MIS18BP1: variants seen among roughly 807,000 people sequenced by gnomAD.
MIS18BP1 encodes the protein mis18-binding protein 1.
A neutral mutation model predicts 116.1 loss-of-function variants in MIS18BP1; 72 were observed. The ratio of observed to expected loss-of-function variants is 0.62; its 90% CI spans 0.51 to 0.75. The LOEUF (loss-of-function observed/expected upper bound fraction) is 0.75, where lower values mean the gene tolerates loss of function less well. MIS18BP1 is among the 30% of genes least tolerant of loss of function. The pLI is 0.00. For missense variants in MIS18BP1, 1,363 were observed against 1,303.2 expected, an observed-to-expected ratio of 1.05 and a Z score of -0.71; for synonymous variants, 386 against 427.0, an observed-to-expected ratio of 0.90 and a Z score of 1.18.
At chr14:45,248,811 C>T (rs1285643170) in intron 1 of MIS18BP1, among the ~76,000 whole-genome samples, 1 of 152,192 alleles carries the variant, frequency 6.6e-6, no homozygotes, top group Non-Finnish European at 1.5e-5. Flanking sequence ...TCATAACATA[C>T]GAATCCTGCA....
intron 14 of MIS18BP1, among the ~76,000 whole-genome samples, chr14:45,209,657 C>G (rs1162213871): frequency 6.6e-6 from 1 of 152,148 alleles, no homozygotes; most frequent in East Asian, 1.9e-4. Context: ...GACCAGAGTT[C>G]ATTTAATTAG....
At chr14:45,214,448 C>G (rs1890759631) in intron 13 of MIS18BP1, among the ~76,000 whole-genome samples, 1 of 152,184 alleles carries the variant, frequency 6.6e-6, no homozygotes, top group South Asian at 2.1e-4. Flanking sequence ...CACTATTACC[C>G]TACTGTCCTG....
At chr14:45,237,403 AT>A (rs916165046) in intron 5 of MIS18BP1, among the ~76,000 whole-genome samples, 3 of 152,210 alleles carry the variant, frequency 2.0e-5, no homozygotes, top group Admixed American at 6.5e-5. Context: ...TCAGAAAAAA[AT>A]AAACCACTAT....
rs1383056899 is a variant in MIS18BP1 at position 45,224,641 on chromosome 14, T to C, written c.1946A>G (p.Tyr649Cys). ...KYMAINQKKA[Y>C]ILVTPLKSRK... ...AGATTTAAGTGGTGTTACTAAAATA[T>C]AAGCTTTCTTCTGATTGATGGCCAT... Residue 649 changes from tyrosine to cysteine, a missense_variant, in exon 11 of 17, where the codon TAT becomes TGT. Coordinates refer to ENST00000310806, the MANE Select transcript of MIS18BP1 (RefSeq NM_018353.5). The C allele has an allele frequency of 4.3e-6, 7 of 1,613,714 alleles. No homozygotes were observed. The highest frequency in any genetic ancestry group is 2.2e-5 in the South Asian group (2 of 90,994).
chr14:45,210,945 A>G (rs573085213), intron 13 of MIS18BP1, among the ~76,000 whole-genome samples: 101 of 152,306 alleles, frequency 6.6e-4, no homozygotes, highest in Non-Finnish European at 1.3e-3. Context: ...CTTCTGCTCA[A>G]AAGTCTCTAT....
At chr14:45,250,023 G>A (rs1891825490) in intron 1 of MIS18BP1, 1 of 152,194 alleles carries the variant, frequency 6.6e-6, no homozygotes, top group Non-Finnish European at 1.5e-5. Flanking sequence ...ACTGAAAACA[G>A]AACCAACCTG....
intron 4 of MIS18BP1, among the ~76,000 whole-genome samples, chr14:45,238,032 G>T (rs1004722025): frequency 2.0e-5 from 3 of 151,804 alleles, no homozygotes; most frequent in African/African-American, 7.3e-5. Flanking sequence ...CCAAGGTACA[G>T]ATTAAAACAC....
intron 11 of MIS18BP1, 96 bp downstream of exon 11, chr14:45,223,822 G>A (rs1278909302): frequency 1.2e-6 from 1 of 854,364 alleles, no homozygotes; most frequent in Non-Finnish European, 1.7e-6. Flanking sequence ...TTTTTTTAAT[G>A]ACATCTTCCA....
chr14:45,248,213 A>G (rs1260664738), intron 1 of MIS18BP1, among the ~76,000 whole-genome samples: 1 of 151,684 alleles, frequency 6.6e-6, no homozygotes, highest in Admixed American at 6.6e-5. Flanking sequence ...GGAATTATGT[A>G]TGCACCACCA....
chr14:45,235,752 T>A lies in MIS18BP1; in HGVS notation c.1348+62A>T, dbSNP rs1409443534. The A allele has an allele frequency of 4.2e-6, 6 of 1,430,920 alleles. No homozygotes were observed. In the South Asian group the frequency reaches 8.3e-5, roughly 20 times the overall value. The allele number at this position is 1,430,920 out of a possible 1,614,324, so 88.6% of individuals were successfully genotyped here. A position where few individuals can be genotyped will look rare whatever the true frequency, so the allele number is the denominator to read the frequency against. On this transcript the variant is annotated intron_variant, in intron 6 of 16. Coordinates refer to ENST00000310806, the MANE Select transcript of MIS18BP1 (RefSeq NM_018353.5). The stretch of plus-strand genomic sequence containing the variant: ...AAAGTTAAAAAAATGTGTATTACTG[T>A]GAGAAACATGGTTAACTGCTTTACT...
intron 4 of MIS18BP1, among the ~76,000 whole-genome samples, chr14:45,240,053 T>C (rs1478696615): frequency 1.3e-5 from 2 of 152,136 alleles, no homozygotes; most frequent in Non-Finnish European, 2.9e-5. Context: ...AGAAAAGTCA[T>C]ATAGACAACT....
chr14:45,227,637 C>G, intron 9 of MIS18BP1, 26 bp downstream of exon 9: 1 of 1,591,134 alleles, frequency 6.3e-7, no homozygotes. Flanking sequence ...TCAACTTGAA[C>G]TATACAGTGT....
intron 6 of MIS18BP1, among the ~76,000 whole-genome samples, chr14:45,233,573 A>C (rs1267865203): frequency 2.0e-5 from 3 of 152,150 alleles, no homozygotes; most frequent in African/African-American, 7.2e-5. Flanking sequence ...CTGTAATGAT[A>C]CAAACAAATT....
At chr14:45,226,967 C>A in intron 9 of MIS18BP1, 131 bp from the exon 10 acceptor site, 2 of 694,192 alleles carry the variant, frequency 2.9e-6, no homozygotes, top group Non-Finnish European at 4.0e-6. Context: ...CATTAGTGGA[C>A]ACATTCCGAA....
intron 7 of MIS18BP1, among the ~76,000 whole-genome samples, chr14:45,231,743 T>A (rs904508522): frequency 2.6e-5 from 4 of 152,228 alleles, no homozygotes; most frequent in African/African-American, 7.2e-5. Flanking sequence ...TTACAGAATA[T>A]GCCCTTTACA....
chr14:45,245,045 A>T (rs1349118057), intron 2 of MIS18BP1, among the ~76,000 whole-genome samples: 2 of 152,146 alleles, frequency 1.3e-5, no homozygotes, highest in Non-Finnish European at 2.9e-5. Flanking sequence ...TACAATTGCC[A>T]TTATTTCTTT....
Position 45,242,879 on chromosome 14 carries a change from G to C in MIS18BP1, c.545-5C>G, listed in dbSNP as rs185553425. The C allele has an allele frequency of 3.9e-6, 6 of 1,555,718 alleles. No individual in the cohort carries two copies. The highest frequency in any genetic ancestry group is 5.2e-6 in the Non-Finnish European group (6 of 1,150,190). On this transcript the variant is annotated splice_region_variant and splice_polypyrimidine_tract_variant and intron_variant, in intron 2 of 16. Transcript: ENST00000310806. ...GAGGAACTCCTTGGACTGAGGCTAA[G>C]GTTTTATTTTTTAAAGAAAGAAGAA...
intron 8 of MIS18BP1, among the ~76,000 whole-genome samples, chr14:45,229,611 T>C (rs969630370): frequency 6.6e-6 from 1 of 152,182 alleles, no homozygotes; most frequent in African/African-American, 2.4e-5. Context: ...CTCTTGTCAA[T>C]AGCTTTCTTA....
chr14:45,244,919 C>A (rs1424812518), intron 2 of MIS18BP1, among the ~76,000 whole-genome samples: 3 of 152,200 alleles, frequency 2.0e-5, no homozygotes, highest in Admixed American at 1.3e-4. Context: ...TTCCTCTCAA[C>A]TACTGAAGGG....
Sources: gnomAD v4.1 joint callset for allele counts (sites outside exome capture counted in the v4.1 genomes callset) on GRCh38, gnomAD v4.1.1 for gene constraint, MANE v1.5 for transcripts, NCBI Gene and HGNC (gene_info 2026-07-23, HGNC 2026-07-21) for gene names.